WASHC2A: variants seen among roughly 807,000 people sequenced by gnomAD.
WASHC2A encodes the protein WASH complex subunit 2A, also known as WASH complex subunit FAM21A.
WASHC2A carries 82 observed loss-of-function variants against 140.3 expected under a neutral mutation model. The ratio of observed to expected loss-of-function variants is 0.58; its 90% CI spans 0.49 to 0.70. WASHC2A has a LOEUF of 0.70. Ranked by LOEUF, WASHC2A falls within the 30% of genes least tolerant of loss-of-function variation. WASHC2A has a pLI of 0.00. For missense variants in WASHC2A, 985 were observed against 1,521.8 expected (o/e 0.65, Z 5.87); for synonymous variants, 340 against 560.8 (o/e 0.61, Z 5.56).
At chr10:50,074,910 C>T (rs555051744) in intron 3 of WASHC2A, among the ~76,000 whole-genome samples, 4 of 150,824 alleles carry the variant, frequency 2.7e-5, no homozygotes, top group East Asian at 1.9e-4. Context: ...AGCAAGACTC[C>T]GTCTCAAAAA....
chr10:50,114,759 C>CAAAA (rs1554891485), intron 21 of WASHC2A, among the ~76,000 whole-genome samples: 1 of 39,656 alleles, frequency 2.5e-5, no homozygotes, highest in Non-Finnish European at 4.5e-5. Context: ...AAATAAACTC[C>CAAAA]AAACAAAAAA....
At position 50,129,876 on chromosome 10, in the gene WASHC2A, A is replaced by T. The variant is rs1406438213; in HGVS notation, c.3545A>T (p.Asp1182Val). The change falls in exon 29 of 31, where the codon GAT becomes GTT. Residue 1182 changes from aspartate (D) to valine (V), a missense_variant. Physicochemically the swap from Asp to Val is radical, Grantham distance 152. Transcript: ENST00000282633. Reference protein sequence around the residue: ...FPALGEASSDDDLFQSAKPKP... With the variant: ...FPALGEASSDVDLFQSAKPKP... ...GCTCTAGGTGAGGCCAGCAGTGATG[A>T]TGATCTCTTTCAGTCTGCTAAACCA... 9.3e-6 allele frequency: 15 copies of T among 1,612,050 alleles called. No individual in the cohort carries two copies. The highest frequency in any genetic ancestry group is 1.1e-5 in the Non-Finnish European group (13 of 1,179,864).
At position 50,127,123 on chromosome 10, in the gene WASHC2A, C is replaced by T. The variant is rs1341353052; in HGVS notation, c.2812-37C>T. The stretch of plus-strand genomic sequence containing the variant: ...ATAAGAAACACTTGTCTTTCTGTTT[C>T]CCAAATGGATTTTTAACTGGATGTA... On this transcript the variant is annotated intron_variant, in intron 26 of 30. Transcript: ENST00000282633. 5.0e-6 allele frequency: 8 copies of T among 1,611,870 alleles called. No individual in the cohort carries two copies. In the African/African-American group the frequency reaches 1.1e-4, roughly 22 times the overall value.
rs1486567174 is a variant in WASHC2A at position 50,095,706 on chromosome 10, C to T, written c.1348C>T (p.Leu450Phe). 6.8e-6 allele frequency: 11 copies of T among 1,611,576 alleles called. No individual in the cohort carries two copies. In the Admixed American group the frequency reaches 1.5e-4, roughly 22 times the overall value. The change falls in exon 15 of 31, where the codon CTC becomes TTC. Residue 450 changes from leucine to phenylalanine, a missense_variant. By Grantham distance (22) the Leu-to-Phe change is conservative (BLOSUM62 0). Coordinates refer to ENST00000282633, the MANE Select transcript of WASHC2A (RefSeq NM_001005751.3). ...CCCCTATGGTCCCCCTCCCACTGGCCTCTTTGATGATGATGATGGTGATGA... is the reference window on the plus strand; with the variant it reads ...CCCCTATGGTCCCCCTCCCACTGGCTTCTTTGATGATGATGATGGTGATGA... ...KSPYGPPPTG[L>F]FDDDDGDDDD...
intron 13 of WASHC2A, among the ~76,000 whole-genome samples, chr10:50,094,654 C>T (rs1840278907): frequency 1.3e-5 from 2 of 152,076 alleles, no homozygotes; most frequent in Admixed American, 1.3e-4. Flanking sequence ...GGCTGCTAGC[C>T]TGGCTCTCCT....
Position 50,069,685 on chromosome 10 carries a change from C to T in WASHC2A, c.265C>T (p.Leu89Phe), listed in dbSNP as rs1837621029. ...TAATGTCTTCAATGACTTCCTTATG[C>T]TCTCTAATACCCAGTTCATTGAGAA... is the stretch of plus-strand genomic sequence containing the variant. ...LHNVFNDFLM[L>F]SNTQFIENRV... The change falls in exon 3 of 31, where the codon CTC becomes TTC. Residue 89 changes from leucine to phenylalanine, a missense_variant. Coordinates refer to ENST00000282633, the MANE Select transcript of WASHC2A (RefSeq NM_001005751.3). The T allele has an allele frequency of 3.7e-6, 6 of 1,613,750 alleles. No homozygotes were observed. In the East Asian group the frequency reaches 8.9e-5, roughly 24 times the overall value.
intron 21 of WASHC2A, among the ~76,000 whole-genome samples, chr10:50,116,115 C>CA (rs1238566392): frequency 0.21 from 8,899 of 42,530 alleles, 264 homozygotes; most frequent in South Asian, 0.23. Flanking sequence ...GACTCCATCT[C>CA]AAAAAAAAAA....
In WASHC2A at chr10:50,129,891, C is replaced by T. The variant is rs1589292216; in HGVS notation, c.3560C>T (p.Ser1187Phe). 2 of 1,612,042 alleles carry T rather than the reference C, an allele frequency of 1.2e-6. No individual in the cohort carries two copies. Among genetic ancestry groups the T allele is most frequent in the South Asian group, 2.2e-5 (2 of 90,992 alleles). Residue 1187 changes from serine (S) to phenylalanine (F), a missense_variant, in exon 29 of 31, where the codon TCT becomes TTT. Coordinates refer to ENST00000282633, the MANE Select transcript of WASHC2A (RefSeq NM_001005751.3). ...AGCAGTGATGATGATCTCTTTCAGT[C>T]TGCTAAACCAAAACCAGCAAAGAAA... Reference protein sequence around the residue: ...EASSDDDLFQSAKPKPAKKTN... With the variant: ...EASSDDDLFQFAKPKPAKKTN...
chr10:50,129,356 C>A (rs1252504568), intron 28 of WASHC2A, 63 bp from the exon 29 acceptor site: 1 of 1,611,930 alleles, frequency 6.2e-7, no homozygotes, highest in Admixed American at 1.7e-5. Flanking sequence ...TGATTCTTTG[C>A]CATGGTAGCT....
intron 2 of WASHC2A, 122 bp from the exon 3 acceptor site, chr10:50,069,425 A>G (rs1359881461): frequency 5.8e-6 from 8 of 1,388,942 alleles, no homozygotes; most frequent in Non-Finnish European, 7.6e-6. Context: ...TCAAAAAAAA[A>G]AAAAGCATTT....
In WASHC2A at chr10:50,084,609, T is replaced by G. The variant is rs1222935667; in HGVS notation, c.622+444T>G. ...CCACACCTGGCCAATTTTTGTATTTTTAGTAGAGACGGGGTTTCACCATAT... is the reference window on the plus strand; with the variant it reads ...CCACACCTGGCCAATTTTTGTATTTGTAGTAGAGACGGGGTTTCACCATAT... On this transcript the variant is annotated intron_variant, in intron 6 of 30. Transcript: ENST00000282633. Among the ~76,000 whole-genome samples the G allele has an allele frequency of 3.2e-4, 48 of 151,620 alleles. 1 individual carries two copies. The highest frequency in any genetic ancestry group is 1.1e-3 in the African/African-American group (47 of 41,276).
intron 3 of WASHC2A, among the ~76,000 whole-genome samples, chr10:50,077,604 A>C (rs1159191648): frequency 6.6e-6 from 1 of 152,134 alleles, no homozygotes; most frequent in Non-Finnish European, 1.5e-5. Context: ...CCACTGTCTA[A>C]TGCCAGAAGA....
At chr10:50,072,481 CTTT>C (rs11440968) in intron 3 of WASHC2A, among the ~76,000 whole-genome samples, 78 of 90,620 alleles carry the variant, frequency 8.6e-4, no homozygotes, top group African/African-American at 2.8e-3. Context: ...AGTGATCTGG[CTTT>C]TTTTTTTTTT....
intron 30 of WASHC2A, 55 bp from the exon 31 acceptor site, chr10:50,132,751 A>G (rs557702593): frequency 6.2e-7 from 1 of 1,612,010 alleles, no homozygotes; most frequent in Non-Finnish European, 8.5e-7. Context: ...ATGTGTCTTA[A>G]AAGTACCTTT....
At chr10:50,107,503 CT>C (rs533108331) in intron 19 of WASHC2A, among the ~76,000 whole-genome samples, 9 of 151,058 alleles carry the variant, frequency 6.0e-5, no homozygotes, top group African/African-American at 1.7e-4. Context: ...AATAATTCCT[CT>C]TTTTTTTTAA....
chr10:50,133,490 T>C lies in WASHC2A; in HGVS notation c.*545T>C. Reference sequence around the variant, plus strand: ...CACTGTCATATTTTGTTAATAAAATTTTATTGGAACACAACCACATTCATT... The same window carrying C: ...CACTGTCATATTTTGTTAATAAAATCTTATTGGAACACAACCACATTCATT... On this transcript the variant is annotated 3_prime_UTR_variant, in exon 31 of 31. Transcript: ENST00000282633. 1 of 469,190 alleles carries C rather than the reference T, an allele frequency of 2.1e-6. No individual in the cohort carries two copies. Among genetic ancestry groups the C allele is most frequent in the Non-Finnish European group, 4.4e-6 (1 of 227,004 alleles). The allele number at this position is 469,190 out of a possible 1,614,324, so 29.1% of individuals were successfully genotyped here.
In WASHC2A at chr10:50,126,124, C is replaced by G. The variant is rs782367880; in HGVS notation, c.2756C>G (p.Pro919Arg). ...SVDSFKNQKH[P>R]ESIQGSKEKG... is the part of the protein sequence containing the mutation. ...GACTCTTTCAAAAACCAGAAACATC[C>G]TGAATCCATTCAAGGTAGTAAAGAA... The change falls in exon 26 of 31, where the codon CCT (proline) becomes CGT (arginine). Residue 919 changes from proline (P) to arginine (R), a missense_variant. Coordinates refer to ENST00000282633, the MANE Select transcript of WASHC2A (RefSeq NM_001005751.3). 2 of 1,613,672 alleles carry G rather than the reference C, an allele frequency of 1.2e-6. No homozygotes were observed. Among genetic ancestry groups the G allele is most frequent in the Admixed American group, 1.7e-5 (1 of 59,986 alleles).
At chr10:50,094,304 G>GT (rs1478874053) in intron 13 of WASHC2A, among the ~76,000 whole-genome samples, 7 of 146,424 alleles carry the variant, frequency 4.8e-5, no homozygotes. Context: ...ATCTGTGCAG[G>GT]TTTTTTTGTT....
chr10:50,068,204 T>C lies in WASHC2A; in HGVS notation c.103T>C (p.Trp35Arg). ...GGAGATCCGCAGGAGCAGCCAGAGC[T>C]GGTCGCTGGCGGCCGACGCGGGCGT... ...VEEIRRSSQS[W>R]SLAADAGLLQ... The change falls in exon 2 of 31, where the codon TGG becomes CGG. Residue 35 changes from tryptophan to arginine, a missense_variant. Transcript: ENST00000282633. 6.3e-7 allele frequency: 1 copy of C among 1,589,608 alleles called. No individual in the cohort carries two copies. The highest frequency in any genetic ancestry group is 8.6e-7 in the Non-Finnish European group (1 of 1,168,246).
Sources: gnomAD v4.1 joint callset for allele counts (sites outside exome capture counted in the v4.1 genomes callset) on GRCh38, gnomAD v4.1.1 for gene constraint, MANE v1.5 for transcripts, NCBI Gene and HGNC (gene_info 2026-07-23, HGNC 2026-07-21) for gene names.